The following CSMD1 variants were observed in gnomAD, a reference collection of about 807,000 sequenced individuals.
CSMD1 encodes the protein CUB and sushi domain-containing protein 1.
Under a neutral mutation model 417.5 loss-of-function variants are expected in CSMD1, and 213 were observed. That is an observed-to-expected ratio of 0.51 (90% CI 0.46 to 0.57). The LOEUF (loss-of-function observed/expected upper bound fraction) is 0.57, where lower values mean the gene tolerates loss of function less well. CSMD1 is among the 20% of genes least tolerant of loss of function. The pLI, the probability that CSMD1 is intolerant of heterozygous loss-of-function variation, is 0.00. For synonymous variants in CSMD1, 2,862 were observed against 1,736.8 expected, an observed-to-expected ratio of 1.65 and a Z score of -16.11; for missense variants, 6,923 against 4,529.7, an observed-to-expected ratio of 1.53 and a Z score of -15.17.
intron 2 of CSMD1, among the ~76,000 whole-genome samples, chr8:4,445,072 A>G (rs1154065): frequency 0.078 from 11,945 of 152,230 alleles, 621 homozygotes; most frequent in Non-Finnish European, 0.095. Context: ...ATACAAAACT[A>G]CATGTTTAAC....
chr8:4,103,348 G>A (rs1209672872), intron 3 of CSMD1, among the ~76,000 whole-genome samples: 4 of 151,124 alleles, frequency 2.6e-5, no homozygotes, highest in African/African-American at 9.7e-5. Flanking sequence ...GAAAAAAGTT[G>A]GTTTTGAATT....
intron 3 of CSMD1, among the ~76,000 whole-genome samples, chr8:4,345,825 C>T (rs145734944): frequency 2.3e-4 from 35 of 152,206 alleles, no homozygotes; most frequent in African/African-American, 8.4e-4. Context: ...GGGAGGTCAT[C>T]CCGAGCAGCG....
intron 4 of CSMD1, among the ~76,000 whole-genome samples, chr8:4,008,990 G>T (rs745907330): frequency 6.6e-6 from 1 of 151,954 alleles, no homozygotes; most frequent in East Asian, 1.9e-4. Flanking sequence ...ATCGTCAGTG[G>T]GTAGGTTTTG....
At chr8:4,976,411 G>A (rs978805766) in intron 1 of CSMD1, among the ~76,000 whole-genome samples, 1 of 152,050 alleles carries the variant, frequency 6.6e-6, no homozygotes, top group Non-Finnish European at 1.5e-5. Flanking sequence ...GCATTTTAAT[G>A]AAATATAAAG....
chr8:4,379,113 A>G (rs1444263226), intron 3 of CSMD1, among the ~76,000 whole-genome samples: 2 of 152,220 alleles, frequency 1.3e-5, no homozygotes, highest in Non-Finnish European at 2.9e-5. Context: ...TAATGTTAAC[A>G]TCATAAGTGA....
chr8:4,736,560 G>T (rs117343235), intron 1 of CSMD1, among the ~76,000 whole-genome samples: 3 of 152,126 alleles, frequency 2.0e-5, no homozygotes, highest in African/African-American at 7.2e-5. Context: ...CCCCAGGGAA[G>T]GTGAACACTC....
chr8:3,258,078 A>G (rs1014920320), intron 26 of CSMD1, among the ~76,000 whole-genome samples: 4 of 152,172 alleles, frequency 2.6e-5, no homozygotes, highest in Non-Finnish European at 5.9e-5. Context: ...CATAAATTTT[A>G]TAGGTATGTC....
chr8:4,706,703 C>CA (rs1415094936), intron 1 of CSMD1, among the ~76,000 whole-genome samples: 1 of 151,978 alleles, frequency 6.6e-6, no homozygotes, highest in East Asian at 1.9e-4. Context: ...CATGAAAGTC[C>CA]AAAAAACAAA....
At chr8:3,300,942 G>C (rs1804345823) in intron 25 of CSMD1, among the ~76,000 whole-genome samples, 2 of 112,858 alleles carry the variant, frequency 1.8e-5, no homozygotes, top group Non-Finnish European at 1.7e-5. Context: ...CTGGACAACA[G>C]AGTGAGACTC....
intron 2 of CSMD1, among the ~76,000 whole-genome samples, chr8:4,568,937 T>C (rs1473676140): frequency 1.3e-5 from 2 of 152,242 alleles, no homozygotes; most frequent in African/African-American, 4.8e-5. Context: ...AAGTGTCTGT[T>C]CATATCCTTC....
chr8:3,681,764 G>C (rs983532812), intron 7 of CSMD1, among the ~76,000 whole-genome samples: 5 of 152,146 alleles, frequency 3.3e-5, no homozygotes, highest in African/African-American at 1.2e-4. Flanking sequence ...CAAAGCTGGA[G>C]GCATCACACT....
chr8:3,949,985 T>A (rs572054476), intron 5 of CSMD1: 1 of 455,940 alleles, frequency 2.2e-6, no homozygotes, highest in East Asian at 7.0e-5. Flanking sequence ...CAGGCTTGCA[T>A]GAAATTACCC....
intron 18 of CSMD1, among the ~76,000 whole-genome samples, chr8:3,382,003 A>G (rs1482202322): frequency 1.3e-5 from 2 of 152,102 alleles, no homozygotes; most frequent in Non-Finnish European, 2.9e-5. Flanking sequence ...CACATCTATA[A>G]TCCCAGCACT....
At chr8:3,523,925 A>G (rs1797632198) in intron 10 of CSMD1, among the ~76,000 whole-genome samples, 1 of 151,138 alleles carries the variant, frequency 6.6e-6, no homozygotes, top group Non-Finnish European at 1.5e-5. Flanking sequence ...ACACACACAT[A>G]TGCATGCACA....
At chr8:3,240,058 A>G (rs1799398567) in intron 26 of CSMD1, among the ~76,000 whole-genome samples, 1 of 152,162 alleles carries the variant, frequency 6.6e-6, no homozygotes, top group Non-Finnish European at 1.5e-5. Context: ...TGTGATTTTA[A>G]GGGCCTCTAA....
chr8:4,654,290 T>A (rs545863017), intron 1 of CSMD1, among the ~76,000 whole-genome samples: 3 of 152,128 alleles, frequency 2.0e-5, no homozygotes, highest in African/African-American at 7.2e-5. Flanking sequence ...TATAGACTTA[T>A]ATGGAAAGGA....
chr8:4,824,837 A>C (rs558912488), intron 1 of CSMD1, among the ~76,000 whole-genome samples: 1 of 152,168 alleles, frequency 6.6e-6, no homozygotes, highest in Non-Finnish European at 1.5e-5. Flanking sequence ...TATATTTAAG[A>C]AACAATCTGT....
chr8:3,497,924 G>A (rs936328592), intron 10 of CSMD1, among the ~76,000 whole-genome samples: 1 of 152,146 alleles, frequency 6.6e-6, no homozygotes, highest in East Asian at 1.9e-4. Context: ...CACAATGGTG[G>A]TTATCACCCT....
At chr8:2,944,990 T>C (rs1802121013) in intron 68 of CSMD1, among the ~76,000 whole-genome samples, 1 of 152,204 alleles carries the variant, frequency 6.6e-6, no homozygotes, top group Admixed American at 6.5e-5. Context: ...TGTTTGTGAA[T>C]TACATAACCA....
Sources: gnomAD v4.1 joint callset for allele counts (sites outside exome capture counted in the v4.1 genomes callset) on GRCh38, gnomAD v4.1.1 for gene constraint, MANE v1.5 for transcripts, NCBI Gene and HGNC (gene_info 2026-07-23, HGNC 2026-07-21) for gene names.